NKAIN2: variants seen among roughly 807,000 people sequenced by gnomAD.
NKAIN2 encodes sodium/potassium-transporting ATPase subunit beta-1-interacting protein 2.
NKAIN2 carries 14 observed loss-of-function variants against 32.6 expected under a neutral mutation model. That is an observed-to-expected ratio of 0.43 (90% CI 0.28 to 0.67). The LOEUF is 0.67. Ranked by LOEUF, NKAIN2 falls within the 30% of genes least tolerant of loss-of-function variation. The pLI is 0.17. For synonymous variants in NKAIN2, 80 were observed against 87.2 expected, an observed-to-expected ratio of 0.92 and a Z score of 0.46; for missense variants, 198 against 258.3, an observed-to-expected ratio of 0.77 and a Z score of 1.60.
intron 1 of NKAIN2, among the ~76,000 whole-genome samples, chr6:123,994,929 T>C (rs1255813089): frequency 6.6e-6 from 1 of 152,212 alleles, no homozygotes; most frequent in African/African-American, 2.4e-5. Context: ...ATGGCATATA[T>C]GAGGGGGAGC....
At chr6:123,879,505 C>T (rs55758898) in intron 1 of NKAIN2, among the ~76,000 whole-genome samples, 1 of 152,092 alleles carries the variant, frequency 6.6e-6, no homozygotes, top group African/African-American at 2.4e-5. Flanking sequence ...AATTAGTGCT[C>T]CAGGTTATTG....
chr6:124,572,398 A>C (rs1427524092), intron 3 of NKAIN2, among the ~76,000 whole-genome samples: 3 of 152,250 alleles, frequency 2.0e-5, no homozygotes, highest in African/African-American at 7.2e-5. Flanking sequence ...TATCGTGAGA[A>C]GAAATATAAT....
chr6:124,610,381 A>G (rs1782647765), intron 3 of NKAIN2, among the ~76,000 whole-genome samples: 1 of 152,136 alleles, frequency 6.6e-6, no homozygotes, highest in South Asian at 2.1e-4. Context: ...TCCTAGTACT[A>G]TTTCATGACT....
In NKAIN2 at chr6:124,222,021, A is replaced by G. The variant is rs533337732; in HGVS notation, c.55-60984A>G. Among the ~76,000 whole-genome samples the G allele has an allele frequency of 1.2e-3, 180 of 152,264 alleles. 3 individuals are homozygous for G. The South Asian group carries it at 0.037, about 31-fold the overall frequency. On this transcript the variant is annotated intron_variant, in intron 1 of 6. Coordinates refer to ENST00000368417, the MANE Select transcript of NKAIN2 (RefSeq NM_001040214.3). The stretch of plus-strand genomic sequence containing the variant: ...CTGATAAGTCTGGAAGGAAGACTAG[A>G]TCTTGCCTTCTAGATTACCATTAAA...
intron 3 of NKAIN2, among the ~76,000 whole-genome samples, chr6:124,501,748 T>A (rs1431580798): frequency 2.6e-5 from 4 of 152,174 alleles, no homozygotes; most frequent in Non-Finnish European, 4.4e-5. Flanking sequence ...TTTTGTCTCA[T>A]CGCTCCCTTT....
At chr6:124,546,732 A>C (rs1309534622) in intron 3 of NKAIN2, among the ~76,000 whole-genome samples, 5 of 152,208 alleles carry the variant, frequency 3.3e-5, no homozygotes. Context: ...TTATAACTCA[A>C]GAAATCAAGT....
intron 1 of NKAIN2, among the ~76,000 whole-genome samples, chr6:123,942,229 G>A (rs1278266223): frequency 6.6e-6 from 1 of 151,882 alleles, no homozygotes; most frequent in Non-Finnish European, 1.5e-5. Context: ...GGAACAGAAT[G>A]TTCATTTACA....
At chr6:124,527,812 C>G (rs751248859) in intron 3 of NKAIN2, among the ~76,000 whole-genome samples, 1 of 151,982 alleles carries the variant, frequency 6.6e-6, no homozygotes, top group African/African-American at 2.4e-5. Flanking sequence ...AAATTTGGGT[C>G]ATACAGGATA....
intron 4 of NKAIN2, among the ~76,000 whole-genome samples, chr6:124,727,314 C>G (rs1451881280): frequency 6.6e-6 from 1 of 152,056 alleles, no homozygotes; most frequent in Non-Finnish European, 1.5e-5. Flanking sequence ...AGAGAAAGGT[C>G]GGGTTACCCT....
chr6:124,045,005 A>C (rs547249199), intron 1 of NKAIN2, among the ~76,000 whole-genome samples: 19 of 152,120 alleles, frequency 1.2e-4, no homozygotes, highest in African/African-American at 4.6e-4. Context: ...ATTTTGGAAG[A>C]GTAGAAGCTT....
At chr6:124,472,403 A>G (rs1039247329) in intron 3 of NKAIN2, among the ~76,000 whole-genome samples, 2 of 152,172 alleles carry the variant, frequency 1.3e-5, no homozygotes, top group Non-Finnish European at 2.9e-5. Flanking sequence ...AGAATTATTT[A>G]TAGGATAAAT....
At chr6:124,643,965 T>C (rs1353951331) in intron 3 of NKAIN2, among the ~76,000 whole-genome samples, 1 of 152,242 alleles carries the variant, frequency 6.6e-6, no homozygotes, top group East Asian at 1.9e-4. Flanking sequence ...TTTAGCTCTT[T>C]ATTGAAATTC....
chr6:124,735,313 G>T (rs1776882024), intron 4 of NKAIN2, among the ~76,000 whole-genome samples: 1 of 151,764 alleles, frequency 6.6e-6, no homozygotes, highest in African/African-American at 2.4e-5. Flanking sequence ...CTCTACCCCA[G>T]TATTTTCAAC....
At position 123,847,787 on chromosome 6, in the gene NKAIN2, T is replaced by C. The variant is rs115049107; in HGVS notation, c.54+43533T>C. ...GCCTATCAGTCTGAAGTGGTGAAAC[T>C]TTATACTGGCTGCAGTTTATAATTA... On this transcript the variant is annotated intron_variant, in intron 1 of 6. Transcript: ENST00000368417. Among the ~76,000 whole-genome samples, 784 of 152,238 alleles carry C rather than the reference T, an allele frequency of 5.1e-3. 6 individuals carry two copies. The highest frequency in any genetic ancestry group is 0.018 in the African/African-American group (758 of 41,534).
chr6:123,998,129 T>C (rs1407618379), intron 1 of NKAIN2, among the ~76,000 whole-genome samples: 1 of 152,148 alleles, frequency 6.6e-6, no homozygotes, highest in East Asian at 1.9e-4. Context: ...GCTTTGATTC[T>C]TTAATGTAAC....
At chr6:123,880,937 C>T (rs1773424894) in intron 1 of NKAIN2, among the ~76,000 whole-genome samples, 1 of 152,102 alleles carries the variant, frequency 6.6e-6, no homozygotes, top group African/African-American at 2.4e-5. Flanking sequence ...AAAGAATTAG[C>T]AAATATAATT....
intron 1 of NKAIN2, among the ~76,000 whole-genome samples, chr6:124,046,241 T>A (rs1345502883): frequency 1.3e-5 from 2 of 152,014 alleles, no homozygotes; most frequent in African/African-American, 2.4e-5. Context: ...CCTTTCTTTT[T>A]GAAGTGATTT....
At chr6:124,278,648 C>G (rs1324622994) in intron 1 of NKAIN2, among the ~76,000 whole-genome samples, 1 of 62,100 alleles carries the variant, frequency 1.6e-5, no homozygotes, top group African/African-American at 6.6e-5. Context: ...ATATACATAG[C>G]TCATATATAT....
chr6:124,026,507 A>G lies in NKAIN2; in HGVS notation c.54+222253A>G, dbSNP rs528423620. ...AGCTAGTATCCTCAATATGCATCTCATCTGTGAATAATCGTAGCCATGTGA... is the reference window on the plus strand; with the variant it reads ...AGCTAGTATCCTCAATATGCATCTCGTCTGTGAATAATCGTAGCCATGTGA... On this transcript the variant is annotated intron_variant, in intron 1 of 6. Transcript: ENST00000368417. Among the ~76,000 whole-genome samples, 18 of 152,224 alleles carry G rather than the reference A, an allele frequency of 1.2e-4. No homozygotes were observed. In the South Asian group the frequency reaches 3.3e-3, roughly 28 times the overall value.
Sources: allele counts gnomAD v4.1 joint callset (sites outside exome capture counted in the v4.1 genomes callset), GRCh38; gene constraint gnomAD v4.1.1; transcripts MANE v1.5; gene names NCBI Gene and HGNC (gene_info 2026-07-23, HGNC 2026-07-21).